Variants in FHIT observed in about 807,000 individuals in gnomAD.
The protein encoded by FHIT is bis(5'-adenosyl)-triphosphatase.
Under a neutral mutation model 17.9 loss-of-function variants are expected in FHIT, and 19 were observed. The observed-to-expected ratio is 1.06, with a 90% confidence interval of 0.74 to 1.56. The LOEUF (loss-of-function observed/expected upper bound fraction) is 1.56. Among genes scored for constraint, FHIT ranks in the 40% most tolerant of loss-of-function variants. FHIT has a pLI of 0.00. For synonymous variants in FHIT, 81 were observed against 69.7 expected (o/e 1.16, Z -0.81); for missense variants, 248 against 189.2 (o/e 1.31, Z -1.82).
chr3:60,102,529 T>G (rs537242436), intron 5 of FHIT, among the ~76,000 whole-genome samples: 2 of 152,092 alleles, frequency 1.3e-5, no homozygotes, highest in Non-Finnish European at 2.9e-5. Context: ...CCTCAGCATG[T>G]CCAGTCACAA....
At chr3:60,521,272 G>A (rs999223210) in intron 5 of FHIT, among the ~76,000 whole-genome samples, 1 of 151,754 alleles carries the variant, frequency 6.6e-6, no homozygotes, top group Non-Finnish European at 1.5e-5. Flanking sequence ...TTTTGAGGCG[G>A]AGGCTTGCTC....
chr3:60,478,447 A>C (rs769313465), intron 5 of FHIT, among the ~76,000 whole-genome samples: 5 of 152,224 alleles, frequency 3.3e-5, no homozygotes, highest in African/African-American at 4.8e-5. Flanking sequence ...CTGTGTTACC[A>C]TCTCTAGACC....
At chr3:59,811,450 T>A (rs2107044975) in intron 8 of FHIT, among the ~76,000 whole-genome samples, 1 of 152,332 alleles carries the variant, frequency 6.6e-6, no homozygotes, top group South Asian at 2.1e-4. Context: ...AGAAATCAAA[T>A]CTATATTCTA....
chr3:60,955,395 A>G (rs1709067270), intron 3 of FHIT, among the ~76,000 whole-genome samples: 1 of 152,010 alleles, frequency 6.6e-6, no homozygotes, highest in Admixed American at 6.6e-5. Context: ...TGGGGTGAAT[A>G]GTACCTGGAG....
chr3:60,897,313 C>T (rs899851604), intron 3 of FHIT, among the ~76,000 whole-genome samples: 1 of 152,092 alleles, frequency 6.6e-6, no homozygotes, highest in Non-Finnish European at 1.5e-5. Context: ...GTCTTTGCTG[C>T]TTTTCTATCG....
intron 5 of FHIT, among the ~76,000 whole-genome samples, chr3:60,445,373 T>C (rs2031253286): frequency 6.6e-6 from 1 of 152,000 alleles, no homozygotes; most frequent in African/African-American, 2.4e-5. Context: ...ATTACAGTGG[T>C]CTGTAGCTTT....
chr3:60,538,315 C>T (rs965509153), intron 4 of FHIT, among the ~76,000 whole-genome samples: 17 of 152,190 alleles, frequency 1.1e-4, no homozygotes, highest in African/African-American at 4.1e-4. Flanking sequence ...GAAGAACATT[C>T]TATGCTCATG....
At chr3:60,695,063 A>G in intron 4 of FHIT, among the ~76,000 whole-genome samples, 1 of 152,160 alleles carries the variant, frequency 6.6e-6, no homozygotes, top group East Asian at 1.9e-4. Context: ...AAGTATAATA[A>G]TAATAAAAAA....
At chr3:61,000,739 G>C (rs1177035733) in intron 3 of FHIT, among the ~76,000 whole-genome samples, 1 of 152,084 alleles carries the variant, frequency 6.6e-6, no homozygotes, top group Non-Finnish European at 1.5e-5. Flanking sequence ...CCTATGCCGG[G>C]TTCCAGAGAC....
At chr3:60,288,565 C>CAG (rs1174161415) in intron 5 of FHIT, among the ~76,000 whole-genome samples, 1 of 120,464 alleles carries the variant, frequency 8.3e-6, no homozygotes, top group Non-Finnish European at 1.7e-5. Context: ...GGTTCTGGCA[C>CAG]AGTGTGTGTG....
intron 5 of FHIT, among the ~76,000 whole-genome samples, chr3:60,336,789 A>C (rs1480473759): frequency 6.6e-6 from 1 of 152,160 alleles, no homozygotes; most frequent in Non-Finnish European, 1.5e-5. Flanking sequence ...AGCAATTCAG[A>C]AAACTTAAAG....
Position 60,565,650 on chromosome 3 carries a change from T to C in FHIT, c.-17-28671A>G, listed in dbSNP as rs35156110. Among the ~76,000 whole-genome samples, 488 of 152,336 alleles carry C rather than the reference T, an allele frequency of 3.2e-3. 1 individual carries two copies. The highest frequency in any genetic ancestry group is 0.01 in the Middle Eastern group (3 of 294). On this transcript the variant is annotated intron_variant, in intron 4 of 9. Coordinates refer to ENST00000492590, the MANE Select transcript of FHIT (RefSeq NM_002012.4). ...GAATATCCAAGATAACTTGCTCTCG[T>C]AAAAGTTTGTGATTGGCAATAAGAG...
At chr3:61,074,391 G>T (rs1052628070) in intron 2 of FHIT, among the ~76,000 whole-genome samples, 9 of 152,144 alleles carry the variant, frequency 5.9e-5, no homozygotes, top group African/African-American at 2.4e-5. Context: ...CTGCATTACG[G>T]CAGAGGTTGA....
rs548311811 is a variant in FHIT, at chr3:59,845,051, G to A, written c.348+77295C>T. 1.1e-3 allele frequency among the ~76,000 whole-genome samples: 168 copies of A among 152,132 alleles called. 6 individuals are homozygous for A. Among genetic ancestry groups the A allele is most frequent in the Admixed American group, 7.2e-4 (11 of 15,266 alleles). ...TTCTAGGAATTTGTCCATTTCACCTGAACTATCCAATGTGCTGGCATGCAA... is the reference window on the plus strand; with the variant it reads ...TTCTAGGAATTTGTCCATTTCACCTAAACTATCCAATGTGCTGGCATGCAA... On this transcript the variant is annotated intron_variant, in intron 8 of 9. Transcript: ENST00000492590.
chr3:60,340,274 T>G (rs1326041980), intron 5 of FHIT, among the ~76,000 whole-genome samples: 2 of 152,226 alleles, frequency 1.3e-5, no homozygotes, highest in African/African-American at 4.8e-5. Flanking sequence ...TAAGGTCACA[T>G]TTTTATATAA....
intron 8 of FHIT, among the ~76,000 whole-genome samples, chr3:59,761,154 C>T (rs559226245): frequency 1.2e-4 from 18 of 152,222 alleles, no homozygotes; most frequent in African/African-American, 3.6e-4. Flanking sequence ...ATATGTCAGA[C>T]GAAAATCCCA....
chr3:60,322,917 T>A (rs1236015488), intron 5 of FHIT, among the ~76,000 whole-genome samples: 1 of 152,190 alleles, frequency 6.6e-6, no homozygotes, highest in Non-Finnish European at 1.5e-5. Flanking sequence ...TTAACTAGAA[T>A]GTTCCCTAAA....
At chr3:60,787,977 G>C (rs1317951033) in intron 4 of FHIT, among the ~76,000 whole-genome samples, 1 of 152,194 alleles carries the variant, frequency 6.6e-6, no homozygotes, top group Non-Finnish European at 1.5e-5. Context: ...GTGCCTTACA[G>C]AGGAAACATG....
intron 5 of FHIT, among the ~76,000 whole-genome samples, chr3:60,507,445 C>T (rs544131472): frequency 6.7e-4 from 102 of 152,232 alleles, no homozygotes; most frequent in African/African-American, 2.3e-3. Context: ...ATCCTATGTA[C>T]GAAAGGAAGC....
Sources: gnomAD v4.1 joint callset for allele counts (sites outside exome capture counted in the v4.1 genomes callset) on GRCh38, gnomAD v4.1.1 for gene constraint, MANE v1.5 for transcripts, NCBI Gene and HGNC (gene_info 2026-07-23, HGNC 2026-07-21) for gene names.